PRKG2: variants seen among roughly 807,000 people sequenced by gnomAD.
PRKG2 encodes protein kinase cGMP-dependent 2, also known as cGMP-dependent protein kinase 2.
A neutral mutation model predicts 97.2 loss-of-function variants in PRKG2; 33 were observed. That is an observed-to-expected ratio of 0.34 (90% CI 0.26 to 0.45). The LOEUF (loss-of-function observed/expected upper bound fraction) is 0.45. Among genes scored for constraint, PRKG2 ranks in the 20% least tolerant of loss-of-function variants. The pLI, the probability that PRKG2 is intolerant of heterozygous loss-of-function variation, is 1.00. For missense variants in PRKG2, 638 were observed against 900.0 expected (o/e 0.71, Z 3.73); for synonymous variants, 330 against 321.8 (o/e 1.03, Z -0.27).
At chr4:81,121,961 G>A (rs2110003688) in intron 14 of PRKG2, among the ~76,000 whole-genome samples, 1 of 152,262 alleles carries the variant, frequency 6.6e-6, no homozygotes, top group African/African-American at 2.4e-5. Flanking sequence ...ATATAAGTAA[G>A]ATTAAGTTGC....
intron 17 of PRKG2, among the ~76,000 whole-genome samples, chr4:81,097,567 T>C (rs1742255899): frequency 6.6e-6 from 1 of 152,204 alleles, no homozygotes; most frequent in African/African-American, 2.4e-5. Context: ...TTCTCCTCTC[T>C]AGCTAGGAAA....
Position 81,087,718 on chromosome 4 carries a change from G to A in PRKG2, c.*1990C>T, listed in dbSNP as rs1367011645. 1.3e-5 allele frequency: 2 copies of A among 152,110 alleles called. No individual in the cohort carries two copies. The highest frequency in any genetic ancestry group is 1.9e-4 in the East Asian group (1 of 5,202). 9.4% of individuals were successfully genotyped at this position (152,110 alleles called of 1,614,324 possible). ...AGTCACTCAGTTAGGAAATGGTGGA[G>A]TTGGGATTATTCAATGGTTCAGTCT... On this transcript the variant is annotated 3_prime_UTR_variant, in exon 19 of 19. Coordinates refer to ENST00000264399, the MANE Select transcript of PRKG2 (RefSeq NM_006259.3).
chr4:81,144,073 T>A (rs893643130), intron 10 of PRKG2, among the ~76,000 whole-genome samples, 159 bp downstream of exon 10: 2 of 152,158 alleles, frequency 1.3e-5, no homozygotes, highest in Non-Finnish European at 2.9e-5. Flanking sequence ...GTGGAAGTGG[T>A]GTTGTCTTTG....
At chr4:81,182,157 G>T (rs1293227696) in intron 2 of PRKG2, among the ~76,000 whole-genome samples, 1 of 150,992 alleles carries the variant, frequency 6.6e-6, no homozygotes, top group Non-Finnish European at 1.5e-5. Flanking sequence ...CTACAAAAAA[G>T]AAAAATAAAA....
In PRKG2 at chr4:81,087,579, G is replaced by T. The variant is rs1741222739; in HGVS notation, c.*2129C>A. 6.6e-6 allele frequency: 1 copy of T among 152,076 alleles called. No individual in the cohort carries two copies. The highest frequency in any genetic ancestry group is 6.5e-5 in the Admixed American group (1 of 15,270). The allele number at this position is 152,076 out of a possible 1,614,324, so 9.4% of individuals were successfully genotyped here. A position where few individuals can be genotyped will look rare whatever the true frequency, so the allele number is the denominator to read the frequency against. On this transcript the variant is annotated 3_prime_UTR_variant, in exon 19 of 19. Coordinates refer to ENST00000264399, the MANE Select transcript of PRKG2 (RefSeq NM_006259.3). ...GTTATTTCACAGATACCGGGCAAAAGACTCTCTACATAACTTAATCCCTGA... is the reference window on the plus strand; with the variant it reads ...GTTATTTCACAGATACCGGGCAAAATACTCTCTACATAACTTAATCCCTGA...
At chr4:81,209,095 GA>G (rs1299944019) in intron 1 of PRKG2, among the ~76,000 whole-genome samples, 1 of 152,188 alleles carries the variant, frequency 6.6e-6, no homozygotes, top group Non-Finnish European at 1.5e-5. Flanking sequence ...TAGAAGAGAG[GA>G]AACTACATAA....
intron 15 of PRKG2, among the ~76,000 whole-genome samples, chr4:81,108,947 AAT>A (rs2109977605): frequency 6.6e-6 from 1 of 152,264 alleles, no homozygotes; most frequent in Non-Finnish European, 1.5e-5. Context: ...TACTCCTTCT[AAT>A]ATGTTATTCC....
At chr4:81,193,467 T>C (rs1344276347) in intron 2 of PRKG2, 1 of 152,172 alleles carries the variant, frequency 6.6e-6, no homozygotes, top group Non-Finnish European at 1.5e-5. Flanking sequence ...ACATAAAATA[T>C]ACTGCATGAG....
chr4:81,090,501 T>C (rs1476221626), intron 18 of PRKG2, among the ~76,000 whole-genome samples: 1 of 152,192 alleles, frequency 6.6e-6, no homozygotes, highest in Non-Finnish European at 1.5e-5. Flanking sequence ...TTGATCCATA[T>C]AAAGTATTCA....
chr4:81,158,026 C>G (rs368485931), intron 6 of PRKG2, among the ~76,000 whole-genome samples: 78 of 148,794 alleles, frequency 5.2e-4, no homozygotes, highest in East Asian at 2.9e-3. Flanking sequence ...GCACAAGACA[C>G]GGATGCCCTC....
Position 81,124,862 on chromosome 4 carries a change from G to A in PRKG2, c.1776+10293C>T, listed in dbSNP as rs940355698. On this transcript the variant is annotated intron_variant, in intron 14 of 18. Coordinates refer to ENST00000264399, the MANE Select transcript of PRKG2 (RefSeq NM_006259.3). Reference sequence around the variant, plus strand: ...TGGAGTGGTTTGTTATGTAAAATGGGAACTTTGTTTATCCCAGTTTAGAAT... The same window carrying A: ...TGGAGTGGTTTGTTATGTAAAATGGAAACTTTGTTTATCCCAGTTTAGAAT... Among the ~76,000 whole-genome samples, 56 of 152,098 alleles carry A rather than the reference G, an allele frequency of 3.7e-4. 1 individual carries two copies. The highest frequency in any genetic ancestry group is 2.9e-5 in the Non-Finnish European group (2 of 68,012).
intron 18 of PRKG2, among the ~76,000 whole-genome samples, chr4:81,091,197 G>A (rs1741494257): frequency 6.6e-6 from 1 of 152,106 alleles, no homozygotes; most frequent in Non-Finnish European, 1.5e-5. Flanking sequence ...CTTTATAAGT[G>A]GCAGATAGGT....
At chr4:81,205,938 C>T in intron 1 of PRKG2, among the ~76,000 whole-genome samples, 1 of 152,122 alleles carries the variant, frequency 6.6e-6, no homozygotes, top group East Asian at 1.9e-4. Context: ...TTATTCAGAA[C>T]TTGTTTTAGT....
At position 81,175,093 on chromosome 4, in the gene PRKG2, A is replaced by G. The variant is rs1578470574; in HGVS notation, c.462-134T>C. On this transcript the variant is annotated intron_variant, in intron 2 of 18. Coordinates refer to ENST00000264399, the MANE Select transcript of PRKG2 (RefSeq NM_006259.3). ...TTCTAGCAAGAACAACCTTTTTCTA[A>G]CCCCACCAAACATTTCACCCTTATA... 7 of 776,888 alleles carry G rather than the reference A, an allele frequency of 9.0e-6. No homozygotes were observed. The East Asian group carries it at 2.0e-4, about 23-fold the overall frequency. 48.1% of individuals were successfully genotyped at this position (776,888 alleles called of 1,614,324 possible). A position where few individuals can be genotyped will look rare whatever the true frequency, so the allele number is the denominator to read the frequency against.
chr4:81,186,861 A>T (rs1488122010), intron 2 of PRKG2, among the ~76,000 whole-genome samples: 1 of 152,168 alleles, frequency 6.6e-6, no homozygotes, highest in African/African-American at 2.4e-5. Flanking sequence ...ACTCAAATAA[A>T]CTAGAAAATC....
intron 2 of PRKG2, among the ~76,000 whole-genome samples, chr4:81,189,072 A>T (rs1752213871): frequency 1.9e-5 from 2 of 106,630 alleles, no homozygotes; most frequent in Non-Finnish European, 3.3e-5. Context: ...ATAATAAAAA[A>T]AAAAAAAAAA....
chr4:81,092,496 G>GGAAGGAAT, intron 17 of PRKG2, 44 bp from the exon 18 acceptor site: 1 of 1,036,536 alleles, frequency 9.6e-7, no homozygotes, highest in South Asian at 1.4e-5. Context: ...AAGGAAGGAA[G>GGAAGGAAT]GAAGGAAGGA....
At position 81,153,340 on chromosome 4, in the gene PRKG2, A is replaced by G. The variant is rs550043069; in HGVS notation, c.990+304T>C. ...GAATCTGGGGATGATTGAGAATCAC[A>G]TAGTCATAGCCAGAAGGGACCTTAT... On this transcript the variant is annotated intron_variant, in intron 7 of 18. Transcript: ENST00000264399. 58 of 215,188 alleles carry G rather than the reference A, an allele frequency of 2.7e-4. 1 individual carries two copies. In the South Asian group the frequency reaches 5.4e-3, roughly 20 times the overall value. The allele number at this position is 215,188 out of a possible 1,614,324, so 13.3% of individuals were successfully genotyped here. A position where few individuals can be genotyped will look rare whatever the true frequency, so the allele number is the denominator to read the frequency against.
intron 1 of PRKG2, among the ~76,000 whole-genome samples, chr4:81,213,113 G>T (rs1754091406): frequency 6.6e-6 from 1 of 152,176 alleles, no homozygotes; most frequent in South Asian, 2.1e-4. Context: ...TGAAAAGACA[G>T]TAATGAGTCT....
Sources: allele counts gnomAD v4.1 joint callset (sites outside exome capture counted in the v4.1 genomes callset), GRCh38; gene constraint gnomAD v4.1.1; transcripts MANE v1.5; gene names NCBI Gene and HGNC (gene_info 2026-07-23, HGNC 2026-07-21).